KCNQ5: variants seen among roughly 807,000 people sequenced by gnomAD.
KCNQ5 encodes the protein potassium voltage-gated channel subfamily Q member 5.
KCNQ5 carries 30 observed loss-of-function variants against 98.2 expected under a neutral mutation model. The observed-to-expected ratio is 0.31, with a 90% CI of 0.23 to 0.41. KCNQ5 has a LOEUF of 0.41. Ranked by LOEUF, KCNQ5 falls within the 10% of genes least tolerant of loss-of-function variation. The pLI, the probability that KCNQ5 is intolerant of heterozygous loss-of-function variation, is 1.00. For missense variants in KCNQ5, 835 were observed against 1,182.5 expected (o/e 0.71, Z 4.31); for synonymous variants, 458 against 449.4 (o/e 1.02, Z -0.24).
At chr6:72,949,977 C>T (rs1050722498) in intron 1 of KCNQ5, among the ~76,000 whole-genome samples, 6 of 151,988 alleles carry the variant, frequency 3.9e-5, no homozygotes, top group Admixed American at 6.6e-5. Context: ...CTCTCTTGTA[C>T]AATCTTTTTA....
intron 3 of KCNQ5, among the ~76,000 whole-genome samples, chr6:73,058,469 C>T (rs1024915342): frequency 6.6e-6 from 1 of 152,110 alleles, no homozygotes; most frequent in Non-Finnish European, 1.5e-5. Flanking sequence ...AAATACCACT[C>T]TGGACATATA....
chr6:72,692,469 T>C (rs1768260795), intron 1 of KCNQ5, among the ~76,000 whole-genome samples: 1 of 152,244 alleles, frequency 6.6e-6, no homozygotes, highest in Non-Finnish European at 1.5e-5. Flanking sequence ...TTCCTTCCTC[T>C]ACACTTCTAG....
chr6:72,836,837 C>G (rs766882727), intron 1 of KCNQ5, among the ~76,000 whole-genome samples: 3 of 152,154 alleles, frequency 2.0e-5, no homozygotes, highest in Admixed American at 1.3e-4. Flanking sequence ...AGAGCTGGGC[C>G]TGTTTTATCC....
intron 1 of KCNQ5, among the ~76,000 whole-genome samples, chr6:72,872,105 G>A (rs928560277): frequency 5.9e-5 from 9 of 152,152 alleles, no homozygotes; most frequent in African/African-American, 2.2e-4. Flanking sequence ...ATGAATAGAT[G>A]GAAGAGAAAA....
At position 72,963,402 on chromosome 6, in the gene KCNQ5, C is replaced by T. The variant is rs1348211757; in HGVS notation, c.399-40506C>T. On this transcript the variant is annotated intron_variant, in intron 1 of 13. Coordinates refer to ENST00000370398, the MANE Select transcript of KCNQ5 (RefSeq NM_019842.4). ...ATTTTAGCACCTGTTTTTCACTGAA[C>T]AAACCTCAGTCTTACTGGAATTAAG... Among the ~76,000 whole-genome samples, 4 of 152,252 alleles carry T rather than the reference C, an allele frequency of 2.6e-5. No individual in the cohort carries two copies. The East Asian group carries it at 7.7e-4, about 29-fold the overall frequency.
intron 1 of KCNQ5, among the ~76,000 whole-genome samples, chr6:72,703,906 A>G (rs1049361771): frequency 5.9e-5 from 9 of 152,198 alleles, no homozygotes; most frequent in Admixed American, 2.0e-4. Flanking sequence ...GATTTTTAGA[A>G]AGGGAAAATT....
chr6:73,035,803 T>C (rs1356754634), intron 2 of KCNQ5, among the ~76,000 whole-genome samples: 2 of 152,248 alleles, frequency 1.3e-5, no homozygotes, highest in East Asian at 3.9e-4. Context: ...AAATTGTTAT[T>C]GAGATAATTG....
At chr6:72,877,657 G>C (rs1778469398) in intron 1 of KCNQ5, among the ~76,000 whole-genome samples, 1 of 152,148 alleles carries the variant, frequency 6.6e-6, no homozygotes. Flanking sequence ...TTCCACAATA[G>C]TTGAACTAAT....
chr6:72,753,382 T>A (rs1349896289), intron 1 of KCNQ5, among the ~76,000 whole-genome samples: 1 of 152,148 alleles, frequency 6.6e-6, no homozygotes, highest in Non-Finnish European at 1.5e-5. Flanking sequence ...TTTGGTTTGG[T>A]GATTATGAAT....
intron 1 of KCNQ5, among the ~76,000 whole-genome samples, chr6:72,988,832 A>C (rs1309378779): frequency 1.0e-5 from 1 of 97,910 alleles, no homozygotes; most frequent in Non-Finnish European, 2.0e-5. Flanking sequence ...CAGTCCCCAG[A>C]GTGTGATATT....
chr6:72,671,963 C>T (rs976929372), intron 1 of KCNQ5, among the ~76,000 whole-genome samples: 68 of 151,830 alleles, frequency 4.5e-4, no homozygotes, highest in African/African-American at 1.5e-3. Flanking sequence ...ACTACAGGCA[C>T]CCGCCACCAC....
At chr6:72,881,207 G>A (rs1778624412) in intron 1 of KCNQ5, among the ~76,000 whole-genome samples, 1 of 152,184 alleles carries the variant, frequency 6.6e-6, no homozygotes, top group Admixed American at 6.5e-5. Context: ...GCAAAGTTTA[G>A]TGGCTTGCTC....
intron 2 of KCNQ5, among the ~76,000 whole-genome samples, chr6:73,036,518 C>A (rs1214030044): frequency 6.6e-6 from 1 of 152,028 alleles, no homozygotes; most frequent in East Asian, 1.9e-4. Context: ...TCCAGCCTGA[C>A]CCCAGCAGCC....
intron 11 of KCNQ5, among the ~76,000 whole-genome samples, chr6:73,181,618 T>C (rs1778406864): frequency 6.6e-6 from 1 of 152,228 alleles, no homozygotes; most frequent in African/African-American, 2.4e-5. Context: ...CAAAAGTGTA[T>C]TGAACACTTA....
At chr6:73,001,778 T>C (rs949171437) in intron 1 of KCNQ5, among the ~76,000 whole-genome samples, 1 of 152,330 alleles carries the variant, frequency 6.6e-6, no homozygotes, top group Middle Eastern at 3.4e-3. Flanking sequence ...ACCACTAGTT[T>C]GCAAATTTTA....
chr6:72,655,018 GTCTGTCTGTCTTTCTTTCTT>G (rs1766076610), intron 1 of KCNQ5, among the ~76,000 whole-genome samples: 1 of 90,594 alleles, frequency 1.1e-5, no homozygotes, highest in African/African-American at 6.4e-5. Context: ...AATAGCCAAG[GTCTGTCTGTCTTTCTTTCTT>G]TCTTTCTTTC....
chr6:72,885,236 A>G (rs1778805109), intron 1 of KCNQ5, among the ~76,000 whole-genome samples: 1 of 152,220 alleles, frequency 6.6e-6, no homozygotes, highest in African/African-American at 2.4e-5. Context: ...AGCCAGCTTC[A>G]TACATCAGTG....
chr6:72,755,015 T>C (rs1339219951), intron 1 of KCNQ5, among the ~76,000 whole-genome samples: 57 of 152,164 alleles, frequency 3.7e-4, no homozygotes, highest in East Asian at 7.7e-4. Flanking sequence ...TCTTGTATTA[T>C]GAAGTTCTGT....
intron 1 of KCNQ5, among the ~76,000 whole-genome samples, chr6:72,888,882 C>G (rs545406483): frequency 6.6e-6 from 1 of 152,090 alleles, no homozygotes; most frequent in Non-Finnish European, 1.5e-5. Context: ...ACTGGGGATA[C>G]AGCAGTGCGC....
Sources: allele counts gnomAD v4.1 joint callset (sites outside exome capture counted in the v4.1 genomes callset), GRCh38; gene constraint gnomAD v4.1.1; transcripts MANE v1.5; gene names NCBI Gene and HGNC (gene_info 2026-07-23, HGNC 2026-07-21).